Variants in MALRD1 observed in about 807,000 individuals in gnomAD.
MALRD1 encodes the protein MAM and LDL-receptor class A domain-containing protein 1.
In MALRD1, 247 loss-of-function variants were observed where a neutral mutation model predicts 242.1. The ratio of observed to expected loss-of-function variants is 1.02; its 90% CI spans 0.92 to 1.13. The LOEUF is 1.13. Among genes scored for constraint, MALRD1 ranks in the 50% most tolerant of loss-of-function variants. The pLI is 0.00. For missense variants in MALRD1, 2,989 were observed against 2,533.1 expected, an observed-to-expected ratio of 1.18 and a Z score of -3.86; for synonymous variants, 995 against 866.6, an observed-to-expected ratio of 1.15 and a Z score of -2.60.
In MALRD1 at chr10:19,351,259, C is replaced by T. The variant is rs368243531; in HGVS notation, c.4150-747C>T. 2.6e-5 allele frequency among the ~76,000 whole-genome samples: 4 copies of T among 152,326 alleles called. No individual in the cohort carries two copies. The South Asian group carries it at 8.3e-4, about 32-fold the overall frequency. The stretch of plus-strand genomic sequence containing the variant: ...AAGCTTTAAAGGCTTTGAATTCCTA[C>T]TGCTCCTAACCTGTCCTGTTCTTTT... On this transcript the variant is annotated intron_variant, in intron 25 of 39. Coordinates refer to ENST00000454679, the MANE Select transcript of MALRD1 (RefSeq NM_001142308.3).
At chr10:19,260,734 T>C (rs975111458) in intron 19 of MALRD1, among the ~76,000 whole-genome samples, 15 of 152,108 alleles carry the variant, frequency 9.9e-5, no homozygotes, top group Admixed American at 9.2e-4. Flanking sequence ...TGGGGCAGGA[T>C]TAATGCCTTT....
intron 36 of MALRD1, among the ~76,000 whole-genome samples, chr10:19,687,243 G>A (rs535634395): frequency 3.3e-5 from 5 of 151,878 alleles, no homozygotes; most frequent in East Asian, 1.9e-4. Context: ...TTACACAAGG[G>A]GCAGAATCAT....
intron 8 of MALRD1, among the ~76,000 whole-genome samples, chr10:19,132,736 T>C (rs970809749): frequency 5.3e-5 from 8 of 152,144 alleles, no homozygotes; most frequent in African/African-American, 1.9e-4. Flanking sequence ...TTTTACCATA[T>C]TGTTACCTAA....
intron 30 of MALRD1, among the ~76,000 whole-genome samples, chr10:19,492,235 T>C (rs1837524511): frequency 1.3e-5 from 2 of 152,170 alleles, no homozygotes; most frequent in Admixed American, 6.5e-5. Context: ...AAGGATCTTT[T>C]TTCCATATAT....
intron 2 of MALRD1, among the ~76,000 whole-genome samples, chr10:19,086,950 T>A (rs918230271): frequency 1.3e-5 from 2 of 152,064 alleles, no homozygotes; most frequent in Non-Finnish European, 2.9e-5. Context: ...GCTTTTAGCT[T>A]CCCTATGTTA....
At chr10:19,454,434 T>TA (rs1835524028) in intron 29 of MALRD1, among the ~76,000 whole-genome samples, 1 of 59,980 alleles carries the variant, frequency 1.7e-5, no homozygotes, top group African/African-American at 7.0e-5. Context: ...ATATATATAA[T>TA]TATATGATAC....
chr10:19,542,204 T>G (rs967248943), intron 32 of MALRD1, among the ~76,000 whole-genome samples: 1 of 152,142 alleles, frequency 6.6e-6, no homozygotes, highest in African/African-American at 2.4e-5. Context: ...AGAAAGAACC[T>G]AAATCAGCTT....
chr10:19,324,494 C>G (rs1843033712), intron 22 of MALRD1, among the ~76,000 whole-genome samples: 1 of 151,840 alleles, frequency 6.6e-6, no homozygotes, highest in Non-Finnish European at 1.5e-5. Flanking sequence ...CTGTAATAGT[C>G]TTTTTCAAAA....
chr10:19,251,050 G>A (rs1454144390), intron 18 of MALRD1, among the ~76,000 whole-genome samples: 8 of 151,858 alleles, frequency 5.3e-5, no homozygotes, highest in Non-Finnish European at 5.9e-5. Flanking sequence ...GTTGAATCTG[G>A]AGGACTCTAA....
chr10:19,082,821 G>A (rs879558710), intron 2 of MALRD1, among the ~76,000 whole-genome samples: 7 of 151,950 alleles, frequency 4.6e-5, no homozygotes, highest in Non-Finnish European at 1.0e-4. Context: ...TCTCTTAGAT[G>A]TCACTGTCTT....
At chr10:19,645,707 A>G (rs897522963) in intron 36 of MALRD1, among the ~76,000 whole-genome samples, 3 of 151,994 alleles carry the variant, frequency 2.0e-5, no homozygotes, top group Non-Finnish European at 4.4e-5. Context: ...GAAGGGGAAC[A>G]TCACACTCCA....
At chr10:19,267,295 C>T (rs2131836681) in intron 19 of MALRD1, among the ~76,000 whole-genome samples, 1 of 151,502 alleles carries the variant, frequency 6.6e-6, no homozygotes, top group Admixed American at 6.6e-5. Context: ...TTTTATTTTC[C>T]CCAGGATAAC....
At chr10:19,059,515 T>C (rs1834760922) in intron 1 of MALRD1, among the ~76,000 whole-genome samples, 4 of 152,036 alleles carry the variant, frequency 2.6e-5, no homozygotes, top group Admixed American at 2.0e-4. Context: ...ACCTCCCGAG[T>C]AGCTGGGACT....
rs368526884 is a variant in MALRD1, at chr10:19,584,190, G to A, written c.5681-11004G>A. 2.8e-3 allele frequency among the ~76,000 whole-genome samples: 421 copies of A among 151,692 alleles called. 3 individuals are homozygous for A. Among genetic ancestry groups the A allele is most frequent in the African/African-American group, 8.6e-3 (356 of 41,378 alleles). On this transcript the variant is annotated intron_variant, in intron 33 of 39. Coordinates refer to ENST00000454679, the MANE Select transcript of MALRD1 (RefSeq NM_001142308.3). ...CAAAAAACCAGCTCCTGGATTCATT[G>A]ATTTTTTGAAGGGTTTTTTGTGTCT...
intron 24 of MALRD1, 84 bp downstream of exon 24, chr10:19,331,666 C>A: frequency 8.9e-7 from 1 of 1,126,474 alleles, no homozygotes; most frequent in Non-Finnish European, 1.3e-6. Flanking sequence ...TTGAAACATG[C>A]AGAGTGTGTG....
At chr10:19,082,771 G>A (rs1047125855) in intron 2 of MALRD1, among the ~76,000 whole-genome samples, 4 of 151,930 alleles carry the variant, frequency 2.6e-5, no homozygotes, top group Non-Finnish European at 4.4e-5. Context: ...TGTAGTTATA[G>A]TTGTTTTGTT....
At chr10:19,516,004 A>G (rs1833610718) in intron 31 of MALRD1, among the ~76,000 whole-genome samples, 1 of 152,236 alleles carries the variant, frequency 6.6e-6, no homozygotes, top group South Asian at 2.1e-4. Flanking sequence ...TGAAGATGAG[A>G]CGTTAAACAA....
At chr10:19,430,675 C>G (rs1834093004) in intron 28 of MALRD1, among the ~76,000 whole-genome samples, 1 of 152,140 alleles carries the variant, frequency 6.6e-6, no homozygotes, top group Non-Finnish European at 1.5e-5. Context: ...ACACCCAGCT[C>G]TATTGGCACA....
chr10:19,692,241 C>T, intron 36 of MALRD1, 41 bp from the exon 37 acceptor site: 1 of 1,429,026 alleles, frequency 7.0e-7, no homozygotes, highest in South Asian at 1.3e-5. Context: ...TATCTTTTCA[C>T]TTTTCTTTTT....
Sources: gnomAD v4.1 joint callset for allele counts (sites outside exome capture counted in the v4.1 genomes callset) on GRCh38, gnomAD v4.1.1 for gene constraint, MANE v1.5 for transcripts, NCBI Gene and HGNC (gene_info 2026-07-23, HGNC 2026-07-21) for gene names.